The following CLIC5 variants were observed in gnomAD, a reference collection of about 807,000 sequenced individuals.
CLIC5 encodes the protein chloride intracellular channel protein 5.
Under a neutral mutation model 24.7 loss-of-function variants are expected in CLIC5, and 20 were observed. The observed-to-expected ratio is 0.81, with a 90% CI of 0.57 to 1.18. The LOEUF (loss-of-function observed/expected upper bound fraction) is 1.18. Among genes scored for constraint, CLIC5 ranks in the 50% most tolerant of loss-of-function variants. The probability of loss-of-function intolerance (pLI) is 0.00; values close to 1 mark genes in which losing one functional copy is unlikely to be tolerated. For synonymous variants in CLIC5, 159 were observed against 135.6 expected (o/e 1.17, Z -1.20); for missense variants, 341 against 326.1 (o/e 1.05, Z -0.35).
At chr6:46,121,462 A>G in the CLIC5 span, among the ~76,000 whole-genome samples, 2 of 152,244 alleles carry the variant, frequency 1.3e-5, no homozygotes, top group African/African-American at 2.4e-5. Flanking sequence ...AACCGGTACC[A>G]GCCACTACAA....
At chr6:45,984,090 G>A (rs1414763996) in intron 1 of CLIC5, among the ~76,000 whole-genome samples, 1 of 152,174 alleles carries the variant, frequency 6.6e-6, no homozygotes, top group Admixed American at 6.5e-5. Context: ...CAAAGAGAGT[G>A]TGGGAAAGCA....
intron 6 of CLIC5, among the ~76,000 whole-genome samples, chr6:45,881,661 G>A (rs1355184625): frequency 6.6e-6 from 1 of 152,164 alleles, no homozygotes; most frequent in Non-Finnish European, 1.5e-5. Context: ...AAAACTGTGT[G>A]TAATTTTAGG....
chr6:45,909,841 T>C (rs983310421), intron 5 of CLIC5, among the ~76,000 whole-genome samples: 2 of 152,222 alleles, frequency 1.3e-5, no homozygotes, highest in Non-Finnish European at 2.9e-5. Flanking sequence ...GCTTTCATTT[T>C]CAGAGAGGGC....
At chr6:45,927,060 C>T (rs1245965642) in intron 4 of CLIC5, among the ~76,000 whole-genome samples, 2 of 152,146 alleles carry the variant, frequency 1.3e-5, no homozygotes, top group African/African-American at 4.8e-5. Flanking sequence ...ACAGCGGGGA[C>T]AGGAAGTGGC....
At chr6:46,117,257 C>T in the CLIC5 span, among the ~76,000 whole-genome samples, 2 of 152,176 alleles carry the variant, frequency 1.3e-5, no homozygotes, top group Non-Finnish European at 2.9e-5. Flanking sequence ...TAATCTGATA[C>T]TTCCCAAACA....
downstream of CLIC5, among the ~76,000 whole-genome samples, chr6:45,894,793 T>C (rs913785270): frequency 6.6e-6 from 1 of 152,220 alleles, no homozygotes; most frequent in Non-Finnish European, 1.5e-5. Flanking sequence ...AAGTTTATAA[T>C]GTAAAAGCTT....
chr6:45,977,085 T>C (rs887633660), intron 1 of CLIC5, among the ~76,000 whole-genome samples: 4 of 152,188 alleles, frequency 2.6e-5, no homozygotes, highest in South Asian at 4.1e-4. Context: ...AGTTGATTTA[T>C]AATAAATATT....
chr6:45,971,917 G>A (rs1765213021), intron 1 of CLIC5, among the ~76,000 whole-genome samples: 1 of 152,088 alleles, frequency 6.6e-6, no homozygotes, highest in Non-Finnish European at 1.5e-5. Flanking sequence ...AGCTCTTATG[G>A]ACCTTTCTGT....
chr6:45,946,567 G>GT (rs1377167540), intron 3 of CLIC5, among the ~76,000 whole-genome samples: 1 of 152,214 alleles, frequency 6.6e-6, no homozygotes, highest in Non-Finnish European at 1.5e-5. Context: ...GGTTATGAGG[G>GT]TTTTGCTGCC....
At chr6:46,015,922 G>T (rs1417667658), upstream of CLIC5, 1 of 1,003,132 alleles carries the variant, frequency 1.0e-6, no homozygotes, top group African/African-American at 1.7e-5. Flanking sequence ...TCAGCCGGGC[G>T]GGGACGCGGC....
chr6:46,024,039 G>C (rs181880856), intron 1 of CLIC5, among the ~76,000 whole-genome samples: 332 of 152,280 alleles, frequency 2.2e-3, no homozygotes, highest in Non-Finnish European at 3.7e-3. Context: ...AGAGAGCAAG[G>C]GTTGGGGGGA....
At chr6:45,973,001 C>A (rs1490552371) in intron 1 of CLIC5, among the ~76,000 whole-genome samples, 1 of 152,194 alleles carries the variant, frequency 6.6e-6, no homozygotes, top group East Asian at 1.9e-4. Flanking sequence ...AGAGGAGGAG[C>A]CTGCTTGCAA....
intron 1 of CLIC5, among the ~76,000 whole-genome samples, chr6:46,069,689 G>A (rs1762538310): frequency 6.6e-6 from 1 of 152,018 alleles, no homozygotes; most frequent in Non-Finnish European, 1.5e-5. Context: ...TCCAAAAAAT[G>A]GAAGAGGAAG....
At chr6:45,941,502 A>T (rs372578299) in intron 4 of CLIC5, 45 bp downstream of exon 4, 4 of 1,411,052 alleles carry the variant, frequency 2.8e-6, no homozygotes, top group Non-Finnish European at 4.0e-6. Flanking sequence ...CTTGGGCAGC[A>T]GATAGACCAC....
At chr6:45,924,570 T>G (rs959750431) in intron 4 of CLIC5, among the ~76,000 whole-genome samples, 2 of 152,166 alleles carry the variant, frequency 1.3e-5, no homozygotes, top group African/African-American at 4.8e-5. Context: ...TGAAATCTAG[T>G]AGGGGGTAAA....
At position 45,912,268 on chromosome 6, in the gene CLIC5, G is replaced by A. The variant is rs547008899; in HGVS notation, c.588+1960C>T. ...ATCAGCAGAAATCCAAAGAGATAGG[G>A]GCCAAGGGCTGGCCTTTGTTCTTTC... On this transcript the variant is annotated intron_variant, in intron 5 of 5. Coordinates refer to ENST00000339561, the MANE Select transcript of CLIC5 (RefSeq NM_016929.5). 1.4e-4 allele frequency: 136 copies of A among 995,538 alleles called. 3 individuals carry two copies. In the South Asian group the frequency reaches 5.5e-3, roughly 40 times the overall value. The allele number at this position is 995,538 out of a possible 1,614,324, so 61.7% of individuals were successfully genotyped here. A position where few individuals can be genotyped will look rare whatever the true frequency, so the allele number is the denominator to read the frequency against.
chr6:45,995,261 G>T (rs968874245), intron 1 of CLIC5, among the ~76,000 whole-genome samples: 1 of 152,194 alleles, frequency 6.6e-6, no homozygotes, highest in Non-Finnish European at 1.5e-5. Flanking sequence ...GAGTTGTGGG[G>T]ATTAAATAAT....
At chr6:46,018,999 C>G (rs957868682), upstream of CLIC5, 1 of 151,606 alleles carries the variant, frequency 6.6e-6, no homozygotes, top group Non-Finnish European at 1.5e-5. Flanking sequence ...ATATAGTAAA[C>G]TCTAAGTAGC....
chr6:46,067,035 C>T (rs560306795), intron 1 of CLIC5, among the ~76,000 whole-genome samples: 19 of 152,060 alleles, frequency 1.2e-4, no homozygotes, highest in Non-Finnish European at 2.2e-4. Context: ...TGTAATGGGA[C>T]GCTCAAAGGT....
Sources: allele counts gnomAD v4.1 joint callset (sites outside exome capture counted in the v4.1 genomes callset), GRCh38; gene constraint gnomAD v4.1.1; transcripts MANE v1.5; gene names NCBI Gene and HGNC (gene_info 2026-07-23, HGNC 2026-07-21).